The following CDH3 variants were observed in gnomAD, a reference collection of about 807,000 sequenced individuals.
The protein encoded by CDH3 is cadherin-3.
CDH3 carries 54 observed loss-of-function variants against 82.0 expected under a neutral mutation model. The ratio of observed to expected loss-of-function variants is 0.66; its 90% confidence interval spans 0.53 to 0.83. The LOEUF is 0.83. CDH3 is among the 40% of genes least tolerant of loss of function. The pLI is 0.00. For synonymous variants in CDH3, 446 were observed against 437.9 expected (o/e 1.02, Z -0.23); for missense variants, 1,054 against 1,084.6 (o/e 0.97, Z 0.40).
At position 68,691,858 on chromosome 16, in the gene CDH3, A is replaced by G. The variant is rs780349546; in HGVS notation, c.1934A>G (p.Glu645Gly). 2 of 1,614,018 alleles carry G rather than the reference A, an allele frequency of 1.2e-6. No individual in the cohort carries two copies. Among genetic ancestry groups the G allele is most frequent in the African/African-American group, 2.7e-5 (2 of 74,916 alleles). ...ATVCDCHGHV[E>G]TCPGPWKGGF... ...GTGTGCGACTGCCATGGCCATGTCG[A>G]AACCTGCCCTGGACCCTGGAAGGGA... Residue 645 changes from glutamate to glycine, a missense_variant, in exon 13 of 16, where the codon GAA (glutamate) becomes GGA (glycine). By Grantham distance (98) the Glu-to-Gly change is moderately conservative. Coordinates refer to ENST00000264012, the MANE Select transcript of CDH3 (RefSeq NM_001793.6).
In CDH3 at chr16:68,685,293, G is replaced by A. The variant is rs778767357; in HGVS notation, c.1513G>A (p.Asp505Asn). The A allele has an allele frequency of 1.2e-6, 2 of 1,614,184 alleles. No homozygotes were observed. The highest frequency in any genetic ancestry group is 2.2e-5 in the East Asian group (1 of 44,886). Residue 505 changes from aspartate (D) to asparagine (N), a missense_variant, in exon 11 of 16, where the codon GAT (aspartate) becomes AAT (asparagine). Asp to Asn is a conservative substitution (Grantham distance 23, BLOSUM62 1). Transcript: ENST00000264012. ...VTAVGTLDREDEQFVRNNIYE... is the reference protein window; with the variant it reads ...VTAVGTLDRENEQFVRNNIYE... ...AGCTGTGGGCACCCTCGACCGTGAGGATGAGCAGTTTGTGAGGAACAACAT... is the reference window on the plus strand; with the variant it reads ...AGCTGTGGGCACCCTCGACCGTGAGAATGAGCAGTTTGTGAGGAACAACAT...
intron 3 of CDH3, among the ~76,000 whole-genome samples, 181 bp downstream of exon 3, chr16:68,676,651 G>A (rs956044847): frequency 2.0e-5 from 3 of 152,200 alleles, no homozygotes; most frequent in African/African-American, 7.2e-5. Context: ...GGGGGGTAGT[G>A]CTTGCAGCTA....
chr16:68,708,159 G>A (rs928599458), intron 1 of CDH3, among the ~76,000 whole-genome samples: 5 of 152,012 alleles, frequency 3.3e-5, no homozygotes, highest in Admixed American at 2.6e-4. Flanking sequence ...GAAAACCCAT[G>A]TCTACTAAAA....
At chr16:68,719,557 G>C (rs1319300679) in intron 1 of CDH3, among the ~76,000 whole-genome samples, 1 of 141,020 alleles carries the variant, frequency 7.1e-6, no homozygotes, top group East Asian at 2.1e-4. Flanking sequence ...ACCCAGGCTG[G>C]AGTGCAGTGG....
Position 68,698,468 on chromosome 16 carries a change from C to A in CDH3, c.*68C>A. On this transcript the variant is annotated 3_prime_UTR_variant, in exon 16 of 16. Coordinates refer to ENST00000264012, the MANE Select transcript of CDH3 (RefSeq NM_001793.6). Reference sequence around the variant, plus strand: ...AGCATCTCCAAGGGGTCTCAGTTCCCCCTTCAGCTGAGGACTTCGGAGCTT... The same window carrying A: ...AGCATCTCCAAGGGGTCTCAGTTCCACCTTCAGCTGAGGACTTCGGAGCTT... 6.9e-7 allele frequency: 1 copy of A among 1,440,824 alleles called. No individual in the cohort carries two copies. Among genetic ancestry groups the A allele is most frequent in the Non-Finnish European group, 9.7e-7 (1 of 1,026,422 alleles). The allele number at this position is 1,440,824 out of a possible 1,614,324, so 89.3% of individuals were successfully genotyped here.
At chr16:68,688,229 C>T (rs1961470025) in intron 12 of CDH3, among the ~76,000 whole-genome samples, 1 of 151,782 alleles carries the variant, frequency 6.6e-6, no homozygotes, top group Admixed American at 6.6e-5. Context: ...GATTGAGGTT[C>T]TAGAGGAGAC....
In CDH3 at chr16:68,654,380, A is replaced by ATTTTTTTTTTTTT. The variant is rs1176713669; in HGVS notation, c.160+8656_160+8668dup. ...GGCCTTTTTCTTAATTTTTAAATTAATTTTTTTTTTTTTTTTTTTTTTTTT... is the reference window on the plus strand; with the variant it reads ...GGCCTTTTTCTTAATTTTTAAATTAATTTTTTTTTTTTTTTTTTTTTTTTTTTTTTTTTTTTTT... On this transcript the variant is annotated intron_variant, in intron 2 of 15. Transcript: ENST00000264012. Among the ~76,000 whole-genome samples, 14 of 48,530 alleles carry ATTTTTTTTTTTTT rather than the reference A, an allele frequency of 2.9e-4. 1 individual carries two copies. Among genetic ancestry groups the ATTTTTTTTTTTTT allele is most frequent in the African/African-American group, 7.8e-4 (8 of 10,318 alleles). 31.8% of individuals were successfully genotyped at this position (48,530 alleles called of 152,430 possible).
chr16:68,701,202 TG>T (rs1484120603), downstream of CDH3, among the ~76,000 whole-genome samples: 4 of 152,060 alleles, frequency 2.6e-5, no homozygotes, highest in Non-Finnish European at 5.9e-5. Flanking sequence ...CCTCGGTGGA[TG>T]GATGTAGAGT....
chr16:68,712,044 T>C (rs979968428), intron 1 of CDH3, among the ~76,000 whole-genome samples: 13 of 146,378 alleles, frequency 8.9e-5, no homozygotes, highest in African/African-American at 2.8e-4. Context: ...TTTCTTTTTT[T>C]TTTTTTTTTT....
chr16:68,668,722 T>G (rs1158085486), intron 2 of CDH3, among the ~76,000 whole-genome samples: 3 of 152,178 alleles, frequency 2.0e-5, no homozygotes, highest in African/African-American at 7.2e-5. Flanking sequence ...ATCAGCTTCA[T>G]CCGTTGAGTA....
chr16:68,709,705 A>G (rs1042645900), intron 1 of CDH3, among the ~76,000 whole-genome samples: 8 of 152,132 alleles, frequency 5.3e-5, no homozygotes, highest in Non-Finnish European at 1.2e-4. Context: ...TCGGCCTTCC[A>G]AAGTGCTGGG....
intron 2 of CDH3, among the ~76,000 whole-genome samples, chr16:68,672,505 C>T (rs1310989375): frequency 6.6e-6 from 1 of 152,188 alleles, no homozygotes; most frequent in Non-Finnish European, 1.5e-5. Context: ...TAAGGCAAAG[C>T]ACTCATCTTC....
chr16:68,679,400 A>G (rs1361403306), intron 6 of CDH3, among the ~76,000 whole-genome samples: 1 of 152,222 alleles, frequency 6.6e-6, no homozygotes, highest in Non-Finnish European at 1.5e-5. Flanking sequence ...GTGTTAGAAC[A>G]TGGCTGATGG....
chr16:68,654,686 G>A (rs1426451596), intron 2 of CDH3, among the ~76,000 whole-genome samples: 3 of 131,846 alleles, frequency 2.3e-5, no homozygotes, highest in South Asian at 2.5e-4. Flanking sequence ...CTGGGTGACC[G>A]AGCAAGACTC....
At chr16:68,703,696 C>T (rs537921618), downstream of CDH3, among the ~76,000 whole-genome samples, 45 of 152,354 alleles carry the variant, frequency 3.0e-4, no homozygotes, top group Admixed American at 8.5e-4. Flanking sequence ...CCTGTAATCC[C>T]AGCACTTTGG....
chr16:68,650,730 C>T (rs1182696942), intron 2 of CDH3, among the ~76,000 whole-genome samples: 1 of 152,148 alleles, frequency 6.6e-6, no homozygotes, highest in Non-Finnish European at 1.5e-5. Context: ...GCCCAGGTCT[C>T]TTCTCCCCAG....
chr16:68,731,062 A>ATATATATG (rs1962280661), downstream of CDH3, among the ~76,000 whole-genome samples: 1 of 110,344 alleles, frequency 9.1e-6, no homozygotes, highest in Non-Finnish European at 1.9e-5. Context: ...ATATATATAT[A>ATATATATG]TATATATATA....
chr16:68,705,524 T>C (rs1961950779), intron 1 of CDH3, among the ~76,000 whole-genome samples: 1 of 151,864 alleles, frequency 6.6e-6, no homozygotes, highest in Non-Finnish European at 1.5e-5. Flanking sequence ...CGAGTTCAAG[T>C]GATCCTCCTG....
chr16:68,676,858 G>T (rs1961048562), intron 3 of CDH3, among the ~76,000 whole-genome samples: 2 of 152,192 alleles, frequency 1.3e-5, no homozygotes, highest in Admixed American at 6.5e-5. Context: ...GATACATCTG[G>T]GGTGCTTGGC....
Sources: gnomAD v4.1 joint callset for allele counts (sites outside exome capture counted in the v4.1 genomes callset) on GRCh38, gnomAD v4.1.1 for gene constraint, MANE v1.5 for transcripts, NCBI Gene and HGNC (gene_info 2026-07-23, HGNC 2026-07-21) for gene names.